NPFFR2: variants seen among roughly 807,000 people sequenced by gnomAD.
The protein encoded by NPFFR2 is neuropeptide FF receptor 2, also known as G-protein coupled receptor 74.
In NPFFR2, 15 loss-of-function variants were observed where a neutral mutation model predicts 13.1. That is an observed-to-expected ratio of 1.15 (90% CI 0.77 to 1.76). The LOEUF (loss-of-function observed/expected upper bound fraction) is 1.76. Ranked by LOEUF, NPFFR2 falls within the 40% of genes most tolerant of loss-of-function variation. The pLI is 0.00. For missense variants in NPFFR2, 572 were observed against 503.5 expected, an observed-to-expected ratio of 1.14 and a Z score of -1.30; for synonymous variants, 190 against 175.7, an observed-to-expected ratio of 1.08 and a Z score of -0.65.
chr4:72,089,736 T>C (rs28874905), intron 1 of NPFFR2, among the ~76,000 whole-genome samples: 4,435 of 152,224 alleles, frequency 0.029, 175 homozygotes, highest in African/African-American at 0.09. Context: ...GTCAGATGCA[T>C]AGATTACAAA....
At chr4:72,041,651 T>C (rs936783732) in intron 1 of NPFFR2, among the ~76,000 whole-genome samples, 1 of 152,176 alleles carries the variant, frequency 6.6e-6, no homozygotes, top group Admixed American at 6.5e-5. Context: ...CACAACCTCG[T>C]CAGCATCTGT....
At chr4:72,064,868 T>C (rs1720021407) in intron 1 of NPFFR2, among the ~76,000 whole-genome samples, 1 of 152,120 alleles carries the variant, frequency 6.6e-6, no homozygotes, top group African/African-American at 2.4e-5. Context: ...CTGAGACATC[T>C]AGGAAAAGAA....
intron 1 of NPFFR2, among the ~76,000 whole-genome samples, chr4:72,084,116 C>T (rs1363788168): frequency 6.6e-6 from 1 of 152,146 alleles, no homozygotes; most frequent in African/African-American, 2.4e-5. Flanking sequence ...ATTCTTGCTC[C>T]TCTCCTCTGC....
intron 1 of NPFFR2, among the ~76,000 whole-genome samples, chr4:72,039,970 ATCT>A (rs1347001289): frequency 2.0e-5 from 3 of 152,170 alleles, no homozygotes; most frequent in African/African-American, 4.8e-5. Flanking sequence ...ATATATTTTT[ATCT>A]TCTTCAGATG....
At chr4:72,128,369 T>C (rs1449450450) in intron 1 of NPFFR2, among the ~76,000 whole-genome samples, 2 of 152,200 alleles carry the variant, frequency 1.3e-5, no homozygotes, top group East Asian at 1.9e-4. Context: ...CCATTACTTA[T>C]GGCACAAATT....
intron 1 of NPFFR2, among the ~76,000 whole-genome samples, chr4:72,056,121 A>G (rs990358496): frequency 1.3e-5 from 2 of 152,036 alleles, no homozygotes; most frequent in Non-Finnish European, 2.9e-5. Context: ...AACACCTTCT[A>G]TTGGAAGAAG....
chr4:72,037,606 C>T (rs1263748671), intron 1 of NPFFR2, among the ~76,000 whole-genome samples: 1 of 152,130 alleles, frequency 6.6e-6, no homozygotes, highest in African/African-American at 2.4e-5. Context: ...TTGTGTTTCC[C>T]TTTCTACTTA....
intron 1 of NPFFR2, among the ~76,000 whole-genome samples, chr4:72,076,010 G>C (rs200944710): frequency 0.025 from 190 of 7,496 alleles, 3 homozygotes; most frequent in African/African-American, 0.045. Context: ...CACACACAGA[G>C]AGAGAGAGAG....
At chr4:72,078,174 C>T (rs1365930323) in intron 1 of NPFFR2, among the ~76,000 whole-genome samples, 1 of 152,008 alleles carries the variant, frequency 6.6e-6, no homozygotes, top group African/African-American at 2.4e-5. Flanking sequence ...CATATAGGTA[C>T]CCTATTGTTC....
At chr4:72,048,433 A>G (rs577140340) in intron 1 of NPFFR2, among the ~76,000 whole-genome samples, 3 of 152,224 alleles carry the variant, frequency 2.0e-5, no homozygotes, top group East Asian at 3.9e-4. Flanking sequence ...TGCAATCTTA[A>G]TTTTTCTTGG....
chr4:72,051,474 C>A (rs1719578988), intron 1 of NPFFR2, among the ~76,000 whole-genome samples: 1 of 151,148 alleles, frequency 6.6e-6, no homozygotes, highest in Non-Finnish European at 1.5e-5. Context: ...ATACCAGAAT[C>A]TCTGGGACAC....
intron 1 of NPFFR2, among the ~76,000 whole-genome samples, chr4:72,057,163 G>T (rs1247296636): frequency 2.1e-5 from 3 of 144,310 alleles, no homozygotes; most frequent in Admixed American, 7.2e-5. Context: ...AGAAATAATA[G>T]AATTTAAAAA....
chr4:72,062,522 TAAAA>T (rs5859300), intron 1 of NPFFR2, among the ~76,000 whole-genome samples: 10 of 148,696 alleles, frequency 6.7e-5, no homozygotes, highest in South Asian at 2.1e-4. Flanking sequence ...TAATAGATTG[TAAAA>T]AAAAAAAAAA....
intron 1 of NPFFR2, among the ~76,000 whole-genome samples, chr4:72,059,057 T>C (rs897991365): frequency 5.9e-5 from 9 of 152,218 alleles, no homozygotes; most frequent in Admixed American, 2.0e-4. Flanking sequence ...CCGTAGACCA[T>C]TGTTCTCCTA....
intron 1 of NPFFR2, among the ~76,000 whole-genome samples, chr4:72,088,805 C>T (rs959081890): frequency 2.0e-5 from 3 of 151,980 alleles, no homozygotes; most frequent in Non-Finnish European, 2.9e-5. Flanking sequence ...TCCACCAGGC[C>T]CCTCCCTTGA....
chr4:72,056,337 A>T (rs1031599403), intron 1 of NPFFR2, among the ~76,000 whole-genome samples: 2 of 151,946 alleles, frequency 1.3e-5, no homozygotes, highest in African/African-American at 4.8e-5. Context: ...TGATGACAGC[A>T]CTTCTGTTTA....
At chr4:72,095,091 G>A (rs556304516) in intron 1 of NPFFR2, among the ~76,000 whole-genome samples, 18 of 151,864 alleles carry the variant, frequency 1.2e-4, no homozygotes, top group South Asian at 6.3e-4. Flanking sequence ...CATTGTTTTC[G>A]TTAATGAATT....
chr4:72,105,959 CA>C (rs1176278336), intron 1 of NPFFR2, among the ~76,000 whole-genome samples: 2 of 151,922 alleles, frequency 1.3e-5, no homozygotes, highest in Admixed American at 6.6e-5. Context: ...TTGAGACCAC[CA>C]TACAGAAATT....
In NPFFR2 at chr4:72,147,171, G is replaced by C. The variant is rs751806218; in HGVS notation, c.622G>C (p.Glu208Gln). The change falls in exon 4 of 4, where the codon GAA becomes CAA. Residue 208 changes from glutamate (E) to glutamine (Q), a missense_variant. By Grantham distance (29) the Glu-to-Gln change is conservative. Coordinates refer to ENST00000308744, the MANE Select transcript of NPFFR2 (RefSeq NM_004885.3). ...AACCAGTCCAGTCTACTGGTGCCGG[G>C]AAGACTGGCCAAATCAGGAAATGAG... is the stretch of plus-strand genomic sequence containing the variant. ...NKTSPVYWCR[E>Q]DWPNQEMRKI... 2 of 1,613,742 alleles carry C rather than the reference G, an allele frequency of 1.2e-6. No homozygotes were observed. Among genetic ancestry groups the C allele is most frequent in the Non-Finnish European group, 1.7e-6 (2 of 1,179,896 alleles).
Sources: gnomAD v4.1 joint callset for allele counts (sites outside exome capture counted in the v4.1 genomes callset) on GRCh38, gnomAD v4.1.1 for gene constraint, MANE v1.5 for transcripts, NCBI Gene and HGNC (gene_info 2026-07-23, HGNC 2026-07-21) for gene names.